RPS6KC1: variants seen among roughly 807,000 people sequenced by gnomAD.
The protein encoded by RPS6KC1 is inactive ribosomal protein S6 kinase delta-1.
Under a neutral mutation model 103.8 loss-of-function variants are expected in RPS6KC1, and 54 were observed. The observed-to-expected ratio is 0.52, with a 90% CI of 0.42 to 0.65. The LOEUF (loss-of-function observed/expected upper bound fraction) is 0.65. RPS6KC1 is among the 30% of genes least tolerant of loss of function. RPS6KC1 has a pLI of 0.00. For missense variants in RPS6KC1, 1,151 were observed against 1,253.8 expected, an observed-to-expected ratio of 0.92 and a Z score of 1.24; for synonymous variants, 439 against 438.7, an observed-to-expected ratio of 1.00 and a Z score of -0.01.
chr1:213,694,048 C>T, the RPS6KC1 span, among the ~76,000 whole-genome samples: 1 of 152,160 alleles, frequency 6.6e-6, no homozygotes, highest in Non-Finnish European at 1.5e-5. Flanking sequence ...TTTTTCCCAG[C>T]CAGCATCTTC....
At chr1:213,454,704 A>G in the RPS6KC1 span, among the ~76,000 whole-genome samples, 1 of 152,254 alleles carries the variant, frequency 6.6e-6, no homozygotes, top group South Asian at 2.1e-4. Flanking sequence ...GATAAACCCA[A>G]ACCACTTGCT....
chr1:213,838,497 G>C, the RPS6KC1 span, among the ~76,000 whole-genome samples: 1 of 151,674 alleles, frequency 6.6e-6, no homozygotes, highest in Non-Finnish European at 1.5e-5. Flanking sequence ...CAAAAAGTAA[G>C]AAAATTACAA....
the RPS6KC1 span, among the ~76,000 whole-genome samples, chr1:213,508,628 A>C: frequency 1.3e-5 from 2 of 152,238 alleles, no homozygotes; most frequent in East Asian, 3.9e-4. Context: ...GCTCCCAATA[A>C]GTTTTTCCTT....
chr1:213,765,327 G>A, the RPS6KC1 span, among the ~76,000 whole-genome samples: 3 of 152,036 alleles, frequency 2.0e-5, no homozygotes, highest in Non-Finnish European at 2.9e-5. Flanking sequence ...ATCCCTCTCC[G>A]GGGAAAAAGA....
chr1:213,117,489 C>CAGAT, intron 5 of RPS6KC1, 79 bp downstream of exon 5: 1 of 780,044 alleles, frequency 1.3e-6, no homozygotes. Flanking sequence ...TGCAAAAAGA[C>CAGAT]AGATGTATAT....
In RPS6KC1 at chr1:213,180,677, C is replaced by T. The variant is rs770753935; in HGVS notation, c.1044+4185C>T. On this transcript the variant is annotated intron_variant, in intron 8 of 14. Transcript: ENST00000366960. ...AGAAGAAATTAGCGGAAAAAAAACT[C>T]TGATGGGATGAGGAGGATGCATTAC... 8.3e-4 allele frequency among the ~76,000 whole-genome samples: 127 copies of T among 152,102 alleles called. 2 individuals carry two copies. The highest frequency in any genetic ancestry group is 2.1e-4 in the Non-Finnish European group (14 of 68,008).
At chr1:213,355,753 C>T in the RPS6KC1 span, among the ~76,000 whole-genome samples, 1 of 152,136 alleles carries the variant, frequency 6.6e-6, no homozygotes, top group Non-Finnish European at 1.5e-5. Flanking sequence ...AGCGGCAACA[C>T]CTCAGAGATG....
chr1:213,650,409 G>C, the RPS6KC1 span, among the ~76,000 whole-genome samples: 1 of 152,170 alleles, frequency 6.6e-6, no homozygotes, highest in African/African-American at 2.4e-5. Flanking sequence ...TTCAGCAAAA[G>C]TATCAGCAGT....
At chr1:213,728,299 C>T in the RPS6KC1 span, among the ~76,000 whole-genome samples, 2 of 152,046 alleles carry the variant, frequency 1.3e-5, no homozygotes, top group African/African-American at 4.8e-5. Context: ...AAAAATGTAC[C>T]GCATGTATCA....
At chr1:213,419,995 A>T in the RPS6KC1 span, among the ~76,000 whole-genome samples, 37 of 152,314 alleles carry the variant, frequency 2.4e-4, no homozygotes, top group African/African-American at 7.9e-4. Flanking sequence ...AGCTTAGTTG[A>T]TGCGGAGAAG....
At chr1:213,138,376 G>T (rs1488081909) in intron 6 of RPS6KC1, among the ~76,000 whole-genome samples, 1 of 151,760 alleles carries the variant, frequency 6.6e-6, no homozygotes, top group Non-Finnish European at 1.5e-5. Context: ...TTTCATTTTA[G>T]GTTCAAGGGG....
chr1:213,188,973 A>G (rs1240949596), intron 8 of RPS6KC1, among the ~76,000 whole-genome samples: 3 of 152,196 alleles, frequency 2.0e-5, no homozygotes, highest in Non-Finnish European at 4.4e-5. Flanking sequence ...ATGACTTTAC[A>G]GTAATCAAGA....
the RPS6KC1 span, among the ~76,000 whole-genome samples, chr1:213,341,083 G>C: frequency 1.3e-5 from 2 of 152,220 alleles, no homozygotes; most frequent in South Asian, 4.1e-4. Flanking sequence ...ATGGACAGCA[G>C]ATATAAAACC....
At chr1:213,785,359 C>G in the RPS6KC1 span, among the ~76,000 whole-genome samples, 5 of 151,950 alleles carry the variant, frequency 3.3e-5, no homozygotes, top group South Asian at 1.0e-3. Flanking sequence ...GGAGAGTATC[C>G]TTGGAGATGT....
At chr1:213,390,297 G>A in the RPS6KC1 span, among the ~76,000 whole-genome samples, 2 of 152,130 alleles carry the variant, frequency 1.3e-5, no homozygotes, top group African/African-American at 4.8e-5. Context: ...GCTTGATTCC[G>A]TTTTCCAGAT....
chr1:213,272,582 T>C lies in RPS6KC1; in HGVS notation c.3149T>C (p.Ile1050Thr), dbSNP rs768949933. 3 of 1,614,062 alleles carry C rather than the reference T, an allele frequency of 1.9e-6. No homozygotes were observed. The highest frequency in any genetic ancestry group is 4.5e-5 in the East Asian group (2 of 44,868). ...GCTGGAGTTGCTGGTGTTGAAGATATCAAATCTCATCCATTTTTTACCCCT... is the reference window on the plus strand; with the variant it reads ...GCTGGAGTTGCTGGTGTTGAAGATACCAAATCTCATCCATTTTTTACCCCT... ...LGAGVAGVED[I>T]KSHPFFTPVD... is the part of the protein sequence containing the mutation. Residue 1050 changes from isoleucine to threonine, a missense_variant, in exon 15 of 15, where the codon ATC becomes ACC. By Grantham distance (89) the Ile-to-Thr change is moderately conservative (BLOSUM62 -1). Transcript: ENST00000366960.
chr1:213,160,325 A>T (rs1244241495), intron 6 of RPS6KC1, among the ~76,000 whole-genome samples: 1 of 152,222 alleles, frequency 6.6e-6, no homozygotes, highest in Non-Finnish European at 1.5e-5. Context: ...CTGTTTACAC[A>T]GTGGTTTATA....
At chr1:213,100,838 A>G (rs1378982877) in intron 3 of RPS6KC1, among the ~76,000 whole-genome samples, 1 of 151,478 alleles carries the variant, frequency 6.6e-6, no homozygotes, top group Non-Finnish European at 1.5e-5. Context: ...TCCACTGTTG[A>G]TGGGCACCTA....
the RPS6KC1 span, among the ~76,000 whole-genome samples, chr1:213,701,007 T>A: frequency 4.6e-4 from 70 of 152,192 alleles, 1 homozygote; most frequent in African/African-American, 1.7e-3. Flanking sequence ...CAAACAAGGA[T>A]AATTTGACTT....
Sources: gnomAD v4.1 joint callset for allele counts (sites outside exome capture counted in the v4.1 genomes callset) on GRCh38, gnomAD v4.1.1 for gene constraint, MANE v1.5 for transcripts, NCBI Gene and HGNC (gene_info 2026-07-23, HGNC 2026-07-21) for gene names.